Variants in FHIT observed in about 807,000 individuals in gnomAD.
FHIT encodes the protein bis(5'-adenosyl)-triphosphatase.
In FHIT, 19 loss-of-function variants were observed where a neutral mutation model predicts 17.9. The observed-to-expected ratio is 1.06, with a 90% CI of 0.74 to 1.56. The LOEUF (loss-of-function observed/expected upper bound fraction) is 1.56, where lower values mean the gene tolerates loss of function less well. Among genes scored for constraint, FHIT ranks in the 40% most tolerant of loss-of-function variants. The pLI, the probability that FHIT is intolerant of heterozygous loss-of-function variation, is 0.00. For synonymous variants in FHIT, 81 were observed against 69.7 expected (o/e 1.16, Z -0.81); for missense variants, 248 against 189.2 (o/e 1.31, Z -1.82).
chr3:60,549,179 C>T (rs1323768808), intron 4 of FHIT, among the ~76,000 whole-genome samples: 2 of 152,122 alleles, frequency 1.3e-5, no homozygotes, highest in Non-Finnish European at 2.9e-5. Flanking sequence ...TCGTATAATG[C>T]TTATCACAAA....
chr3:60,273,830 T>A (rs188936397), intron 5 of FHIT, among the ~76,000 whole-genome samples: 1 of 152,182 alleles, frequency 6.6e-6, no homozygotes, highest in African/African-American at 2.4e-5. Flanking sequence ...GAAGGACAGA[T>A]TGAAAGAGTT....
At chr3:60,000,941 G>A (rs2107499664) in intron 7 of FHIT, among the ~76,000 whole-genome samples, 1 of 152,238 alleles carries the variant, frequency 6.6e-6, no homozygotes, top group East Asian at 1.9e-4. Flanking sequence ...CATTCCCACT[G>A]CCATTTCCTC....
chr3:60,584,439 T>C (rs1199792829), intron 4 of FHIT, among the ~76,000 whole-genome samples: 1 of 151,960 alleles, frequency 6.6e-6, no homozygotes, highest in Non-Finnish European at 1.5e-5. Context: ...GCAGTAACTG[T>C]GGGTTCAGGG....
At chr3:60,706,752 T>C (rs1553703670) in intron 4 of FHIT, among the ~76,000 whole-genome samples, 2 of 152,334 alleles carry the variant, frequency 1.3e-5, no homozygotes, top group East Asian at 3.9e-4. Flanking sequence ...TACATTTTGC[T>C]GAATTCTGTT....
intron 1 of FHIT, among the ~76,000 whole-genome samples, chr3:61,243,821 A>G (rs2040426088): frequency 6.6e-6 from 1 of 152,128 alleles, no homozygotes; most frequent in Admixed American, 6.6e-5. Context: ...CAAGAGATAC[A>G]AGGAGGGTAG....
chr3:61,045,964 A>C (rs538660740), intron 2 of FHIT, among the ~76,000 whole-genome samples: 1 of 152,234 alleles, frequency 6.6e-6, no homozygotes, highest in Non-Finnish European at 1.5e-5. Flanking sequence ...GCAACATACT[A>C]GAATCTCTGG....
chr3:61,057,226 G>A (rs1158156742), intron 2 of FHIT, among the ~76,000 whole-genome samples: 1 of 152,214 alleles, frequency 6.6e-6, no homozygotes, highest in East Asian at 1.9e-4. Flanking sequence ...CATGTAATTT[G>A]TAAACGTGTT....
intron 5 of FHIT, among the ~76,000 whole-genome samples, chr3:60,398,639 G>C (rs1449944042): frequency 6.6e-6 from 1 of 152,104 alleles, no homozygotes; most frequent in Non-Finnish European, 1.5e-5. Context: ...TTGCAGAATT[G>C]TAATGTTTGT....
At chr3:60,398,455 G>A (rs1435892760) in intron 5 of FHIT, among the ~76,000 whole-genome samples, 1 of 152,062 alleles carries the variant, frequency 6.6e-6, no homozygotes, top group Non-Finnish European at 1.5e-5. Flanking sequence ...AACCCAAAAA[G>A]GGCAAATCTG....
intron 5 of FHIT, among the ~76,000 whole-genome samples, chr3:60,351,236 C>T (rs528390305): frequency 6.6e-6 from 1 of 152,332 alleles, no homozygotes; most frequent in South Asian, 2.1e-4. Flanking sequence ...TGTTAATTAA[C>T]TGTATCACTA....
At chr3:60,202,109 T>C (rs1702939960) in intron 5 of FHIT, among the ~76,000 whole-genome samples, 1 of 152,216 alleles carries the variant, frequency 6.6e-6, no homozygotes, top group Non-Finnish European at 1.5e-5. Flanking sequence ...CAAAGTGCTA[T>C]AATGTTACAG....
chr3:60,238,447 C>CAAAAAAAAAAAAAAAAAAAAA lies in FHIT; in HGVS notation c.104-224296_104-224295insTTTTTTTTTTTTTTTTTTTTT, dbSNP rs374701930. On this transcript the variant is annotated intron_variant, in intron 5 of 9. Transcript: ENST00000492590. The stretch of plus-strand genomic sequence containing the variant: ...ATACCACTCAACTAGCTGTACTAAG[C>CAAAAAAAAAAAAAAAAAAAAA]AAAAAAAAAAAAAAAAAGTCACAGC... Among the ~76,000 whole-genome samples the CAAAAAAAAAAAAAAAAAAAAA allele has an allele frequency of 1.7e-5, 2 of 117,548 alleles. 1 individual carries two copies. The highest frequency in any genetic ancestry group is 3.4e-5 in the Non-Finnish European group (2 of 59,266). The allele number at this position is 117,548 out of a possible 152,430, so 77.1% of individuals were successfully genotyped here. A position where few individuals can be genotyped will look rare whatever the true frequency, so the allele number is the denominator to read the frequency against.
chr3:60,422,181 A>C (rs909148917), intron 5 of FHIT, among the ~76,000 whole-genome samples: 2 of 152,108 alleles, frequency 1.3e-5, no homozygotes, highest in African/African-American at 4.8e-5. Context: ...CAGGTTTCAA[A>C]TGTTTGCTTT....
intron 3 of FHIT, among the ~76,000 whole-genome samples, chr3:60,882,221 G>C (rs782637660): frequency 2.1e-4 from 32 of 152,032 alleles, no homozygotes; most frequent in Admixed American, 2.6e-4. Flanking sequence ...GCAACAAGTT[G>C]AATCAATAAT....
intron 5 of FHIT, among the ~76,000 whole-genome samples, chr3:60,160,307 C>G (rs988569653): frequency 6.6e-6 from 1 of 152,176 alleles, no homozygotes; most frequent in African/African-American, 2.4e-5. Context: ...GAACGCAGTT[C>G]TCCCACACCA....
intron 5 of FHIT, among the ~76,000 whole-genome samples, chr3:60,169,007 C>T (rs1180433824): frequency 6.6e-6 from 1 of 152,186 alleles, no homozygotes; most frequent in Non-Finnish European, 1.5e-5. Flanking sequence ...ACTTGAAATA[C>T]AGTTGGAGGA....
At chr3:60,544,903 T>C (rs1459523641) in intron 4 of FHIT, among the ~76,000 whole-genome samples, 1 of 152,186 alleles carries the variant, frequency 6.6e-6, no homozygotes, top group Non-Finnish European at 1.5e-5. Flanking sequence ...AGCCAACTTA[T>C]CTAGTTTTTG....
At chr3:60,826,791 CACATTTACAG>C (rs11280805) in intron 3 of FHIT, among the ~76,000 whole-genome samples, 22,427 of 152,120 alleles carry the variant, frequency 0.15, 2,171 homozygotes, top group Middle Eastern at 0.28. Flanking sequence ...CACAGGAACA[CACATTTACAG>C]ACAAAGTAAA....
chr3:60,599,541 TCA>T (rs1385912032), intron 4 of FHIT, among the ~76,000 whole-genome samples: 9 of 152,162 alleles, frequency 5.9e-5, no homozygotes, highest in Non-Finnish European at 2.9e-5. Context: ...AGAAACATCA[TCA>T]CAGTTATAAA....
Sources: allele counts gnomAD v4.1 joint callset (sites outside exome capture counted in the v4.1 genomes callset), GRCh38; gene constraint gnomAD v4.1.1; transcripts MANE v1.5; gene names NCBI Gene and HGNC (gene_info 2026-07-23, HGNC 2026-07-21).